The following NXNL2 variants were observed in gnomAD, a reference collection of about 807,000 sequenced individuals.
The protein encoded by NXNL2 is nucleoredoxin like 2, also known as nucleoredoxin-like protein 2.
In NXNL2, 7 loss-of-function variants were observed where a neutral mutation model predicts 11.1. That is an observed-to-expected ratio of 0.63 (90% CI 0.36 to 1.18). The LOEUF (loss-of-function observed/expected upper bound fraction) is 1.18. Ranked by LOEUF, NXNL2 falls within the 50% of genes most tolerant of loss-of-function variation. The pLI, the probability that NXNL2 is intolerant of heterozygous loss-of-function variation, is 0.02. For missense variants in NXNL2, 233 were observed against 217.7 expected, an observed-to-expected ratio of 1.07 and a Z score of -0.44; for synonymous variants, 109 against 101.8, an observed-to-expected ratio of 1.07 and a Z score of -0.42.
At chr9:88,575,069 C>T in intron 2 of NXNL2, 5 of 913,180 alleles carry the variant, frequency 5.5e-6, no homozygotes, top group Non-Finnish European at 6.5e-6. Flanking sequence ...TCACCCTCCC[C>T]TTCTTATTCC....
chr9:88,566,667 T>C (rs1357391407), intron 1 of NXNL2, among the ~76,000 whole-genome samples: 1 of 152,182 alleles, frequency 6.6e-6, no homozygotes, highest in East Asian at 1.9e-4. Context: ...CTTTAATCCA[T>C]TTTGAGTTGA....
intron 2 of NXNL2, among the ~76,000 whole-genome samples, chr9:88,572,953 T>G (rs978087429): frequency 6.6e-6 from 1 of 152,220 alleles, no homozygotes; most frequent in African/African-American, 2.4e-5. Context: ...GCCTCTGTTC[T>G]GTACTGTTGA....
exon 3 of NXNL2, chr9:88,575,333 C>T (rs1830334660): frequency 5.1e-6 from 1 of 195,124 alleles, no homozygotes; most frequent in African/African-American, 2.4e-5. Flanking sequence ...TTCACAACAG[C>T]CAAGATTTGG....
chr9:88,535,206 T>C lies in NXNL2; in HGVS notation c.-229T>C. 1.9e-6 allele frequency: 1 copy of C among 526,876 alleles called. No homozygotes were observed. Among genetic ancestry groups the C allele is most frequent in the East Asian group, 3.3e-5 (1 of 29,854 alleles). The allele number at this position is 526,876 out of a possible 1,614,324, so 32.6% of individuals were successfully genotyped here. A position where few individuals can be genotyped will look rare whatever the true frequency, so the allele number is the denominator to read the frequency against. ...GGCGGGTGCCGCGCTGTCGCCCAGG[T>C]ATCTGGGGTCTCTGGTGTCTGAGTG... On this transcript the variant is annotated 5_prime_UTR_variant, in exon 1 of 2. Transcript: ENST00000375854.
downstream of NXNL2, among the ~76,000 whole-genome samples, chr9:88,546,149 G>GTGTGTGTA (rs1829842854): frequency 1.4e-5 from 1 of 70,012 alleles, no homozygotes; most frequent in East Asian, 4.7e-3. Context: ...CTGAGTGTTC[G>GTGTGTGTA]TGTGTGTGTG....
downstream of NXNL2, among the ~76,000 whole-genome samples, chr9:88,579,795 A>G (rs1043559849): frequency 6.6e-6 from 1 of 152,162 alleles, no homozygotes; most frequent in African/African-American, 2.4e-5. Context: ...TGTCCACCAT[A>G]TGGCTATCTC....
chr9:88,544,985 A>G (rs1587843577), downstream of NXNL2: 2 of 736,402 alleles, frequency 2.7e-6, no homozygotes, highest in African/African-American at 1.9e-5. Context: ...AAACAAGTCT[A>G]TTGCCTTCTT....
chr9:88,553,543 T>G (rs1829971675), intron 1 of NXNL2, among the ~76,000 whole-genome samples: 1 of 152,126 alleles, frequency 6.6e-6, no homozygotes, highest in Non-Finnish European at 1.5e-5. Context: ...CATCGCTTTA[T>G]TTTTTTCTCC....
downstream of NXNL2, among the ~76,000 whole-genome samples, chr9:88,545,720 T>C (rs949440990): frequency 2.0e-5 from 3 of 152,152 alleles, no homozygotes; most frequent in Non-Finnish European, 4.4e-5. Flanking sequence ...AGAAATGCAG[T>C]TTTCTTCCAA....
downstream of NXNL2, among the ~76,000 whole-genome samples, chr9:88,549,216 A>G (rs1007882342): frequency 2.0e-5 from 3 of 151,892 alleles, no homozygotes; most frequent in African/African-American, 7.3e-5. Flanking sequence ...TCTTGAAGAA[A>G]CCTGTGCTGA....
chr9:88,570,739 T>TTTTTG (rs1163932602), intron 1 of NXNL2, among the ~76,000 whole-genome samples: 69 of 152,234 alleles, frequency 4.5e-4, no homozygotes, highest in African/African-American at 1.6e-3. Flanking sequence ...CCAATACTGG[T>TTTTTG]TTTTGTTTTG....
intron 1 of NXNL2, among the ~76,000 whole-genome samples, chr9:88,567,341 G>T (rs1457576868): frequency 6.6e-6 from 1 of 152,160 alleles, no homozygotes; most frequent in Non-Finnish European, 1.5e-5. Context: ...GTTTCACCAT[G>T]TTGGCCAGCC....
At chr9:88,564,626 G>T (rs573498129) in intron 1 of NXNL2, among the ~76,000 whole-genome samples, 1 of 152,164 alleles carries the variant, frequency 6.6e-6, no homozygotes, top group East Asian at 1.9e-4. Flanking sequence ...ATGTTGGTCA[G>T]GCTGGTCTTG....
intron 2 of NXNL2, among the ~76,000 whole-genome samples, chr9:88,574,767 T>C (rs1198472912): frequency 6.6e-6 from 1 of 152,102 alleles, no homozygotes; most frequent in East Asian, 1.9e-4. Context: ...AGCCAGCTTG[T>C]TGGGGAGAGG....
At chr9:88,540,473 G>A (rs1378342917) in intron 1 of NXNL2, among the ~76,000 whole-genome samples, 1 of 152,098 alleles carries the variant, frequency 6.6e-6, no homozygotes, top group Non-Finnish European at 1.5e-5. Context: ...CGCCTCCCCT[G>A]TTGTGAGCAC....
At chr9:88,550,654 C>G (rs1442197141) in intron 1 of NXNL2, among the ~76,000 whole-genome samples, 2 of 152,170 alleles carry the variant, frequency 1.3e-5, no homozygotes, top group South Asian at 2.1e-4. Flanking sequence ...TTGGGGTCAG[C>G]AGAAAGGAAT....
chr9:88,567,121 T>A (rs1830187074), intron 1 of NXNL2, among the ~76,000 whole-genome samples: 1 of 152,166 alleles, frequency 6.6e-6, no homozygotes, highest in Admixed American at 6.6e-5. Context: ...AGATTCTCTA[T>A]AACTATTTCC....
exon 3 of NXNL2, chr9:88,575,584 A>G (rs1830338608): frequency 6.6e-6 from 1 of 152,192 alleles, no homozygotes; most frequent in South Asian, 2.1e-4. Flanking sequence ...TAGAGAGTAG[A>G]AGGTTGGTTA....
At chr9:88,574,447 T>C (rs1830318767) in intron 2 of NXNL2, among the ~76,000 whole-genome samples, 1 of 152,190 alleles carries the variant, frequency 6.6e-6, no homozygotes, top group African/African-American at 2.4e-5. Context: ...ATATGTAAGA[T>C]GTACATTGGT....
Sources: gnomAD v4.1 joint callset for allele counts (sites outside exome capture counted in the v4.1 genomes callset) on GRCh38, gnomAD v4.1.1 for gene constraint, MANE v1.5 for transcripts, NCBI Gene and HGNC (gene_info 2026-07-23, HGNC 2026-07-21) for gene names.